CLEC16A: variants seen among roughly 807,000 people sequenced by gnomAD.
CLEC16A encodes protein CLEC16A.
CLEC16A carries 51 observed loss-of-function variants against 109.5 expected under a neutral mutation model. The ratio of observed to expected loss-of-function variants is 0.47; its 90% confidence interval spans 0.37 to 0.59. The LOEUF (loss-of-function observed/expected upper bound fraction) is 0.59, where lower values mean the gene tolerates loss of function less well. Ranked by LOEUF, CLEC16A falls within the 20% of genes least tolerant of loss-of-function variation. The pLI is 0.00. For missense variants in CLEC16A, 1,339 were observed against 1,394.0 expected, an observed-to-expected ratio of 0.96 and a Z score of 0.63; for synonymous variants, 673 against 564.2, an observed-to-expected ratio of 1.19 and a Z score of -2.73.
chr16:11,137,764 G>A (rs1048837809), intron 22 of CLEC16A, among the ~76,000 whole-genome samples: 35 of 151,838 alleles, frequency 2.3e-4, no homozygotes, highest in Non-Finnish European at 4.9e-4. Context: ...AACCAAGGTC[G>A]CACCACTGCA....
intron 2 of CLEC16A, among the ~76,000 whole-genome samples, chr16:10,959,014 G>GGTGGGT (rs2042125136): frequency 6.8e-6 from 1 of 146,190 alleles, no homozygotes; most frequent in African/African-American, 2.5e-5. Context: ...ACTAAACACG[G>GGTGGGT]GTGTGTGTGT....
At chr16:10,999,662 A>T (rs2044545808) in intron 10 of CLEC16A, among the ~76,000 whole-genome samples, 1 of 152,326 alleles carries the variant, frequency 6.6e-6, no homozygotes, top group Admixed American at 6.5e-5. Context: ...CCCAGTAAGC[A>T]TGCCCTCCCA....
chr16:11,156,789 G>A, intron 22 of CLEC16A: 1 of 654,566 alleles, frequency 1.5e-6, no homozygotes, highest in Admixed American at 2.6e-5. Flanking sequence ...AAGCAAGGTT[G>A]CACCACTGCG....
At position 11,039,756 on chromosome 16, in the gene CLEC16A, A is replaced by T; in HGVS notation, c.1540A>T (p.Met514Leu). ...LLYAMSHNKG[M>L]DPEKLERIQL... is the part of the protein sequence containing the mutation. ...TACATCCTTCTCCTCTGTTCCAGGC[A>T]TGGATCCTGAAAAATTAGAGCGAAT... is the stretch of plus-strand genomic sequence containing the variant. Residue 514 changes from methionine to leucine, a missense_variant and splice_region_variant, in exon 14 of 24, where the codon ATG (methionine) becomes TTG (leucine). Met to Leu is a conservative substitution (Grantham distance 15, BLOSUM62 2). Around this residue, in one of 3 missense-constraint regions of CLEC16A, gnomAD observed 1,061 missense variants for 1,006.8 expected, o/e 1.05. Transcript: ENST00000409790. 3 of 1,598,454 alleles carry T rather than the reference A, an allele frequency of 1.9e-6. No homozygotes were observed. Among genetic ancestry groups the T allele is most frequent in the Non-Finnish European group, 2.6e-6 (3 of 1,172,560 alleles).
At chr16:11,165,188 T>A (rs2068204399) in intron 22 of CLEC16A, among the ~76,000 whole-genome samples, 1 of 151,996 alleles carries the variant, frequency 6.6e-6, no homozygotes, top group African/African-American at 2.4e-5. Flanking sequence ...GGGCTTTGAT[T>A]TATCGTAAAG....
At chr16:11,098,451 G>A (rs1392800680) in intron 19 of CLEC16A, among the ~76,000 whole-genome samples, 1 of 152,198 alleles carries the variant, frequency 6.6e-6, no homozygotes, top group African/African-American at 2.4e-5. Flanking sequence ...CCACCTTCAA[G>A]AACTGTCAGC....
chr16:10,975,300 G>T (rs1437331228), intron 7 of CLEC16A, among the ~76,000 whole-genome samples: 2 of 152,172 alleles, frequency 1.3e-5, no homozygotes, highest in Non-Finnish European at 2.9e-5. Flanking sequence ...CTGCACTCCA[G>T]CCTGGGTGAC....
intron 19 of CLEC16A, among the ~76,000 whole-genome samples, chr16:11,072,167 G>T (rs2049111557): frequency 6.6e-6 from 1 of 152,094 alleles, no homozygotes. Flanking sequence ...TGTCCCCCAG[G>T]CTAGAGTGCA....
intron 10 of CLEC16A, among the ~76,000 whole-genome samples, chr16:10,996,884 G>A (rs1255821942): frequency 2.0e-5 from 3 of 152,156 alleles, no homozygotes; most frequent in East Asian, 3.8e-4. Flanking sequence ...CCACCTGTTC[G>A]CTTTGTCCTA....
rs563776564 is a variant in CLEC16A, at chr16:11,027,801, G to T, written c.1537+2880G>T. 12 of 861,786 alleles carry T rather than the reference G, an allele frequency of 1.4e-5. No individual in the cohort carries two copies. The East Asian group carries it at 2.3e-4, about 17-fold the overall frequency. The allele number at this position is 861,786 out of a possible 1,614,324, so 53.4% of individuals were successfully genotyped here. ...AAACTGCAGTATATTTTTGATCAATGAAGTGGAAGCATGTGTTTTGTTGTT... is the reference window on the plus strand; with the variant it reads ...AAACTGCAGTATATTTTTGATCAATTAAGTGGAAGCATGTGTTTTGTTGTT... On this transcript the variant is annotated intron_variant, in intron 13 of 23. Coordinates refer to ENST00000409790, the MANE Select transcript of CLEC16A (RefSeq NM_015226.3).
At chr16:11,166,859 C>T (rs1310492565) in intron 23 of CLEC16A, among the ~76,000 whole-genome samples, 1 of 152,208 alleles carries the variant, frequency 6.6e-6, no homozygotes, top group East Asian at 1.9e-4. Flanking sequence ...ATCACCTCCA[C>T]AGTCTTAGGT....
Position 11,034,850 on chromosome 16 carries a change from C to A in CLEC16A, c.1538-4904C>A, listed in dbSNP as rs2152836253. 2.0e-5 allele frequency among the ~76,000 whole-genome samples: 3 copies of A among 152,276 alleles called. 1 individual carries two copies. The South Asian group carries it at 6.2e-4, about 32-fold the overall frequency. On this transcript the variant is annotated intron_variant, in intron 13 of 23. Transcript: ENST00000409790. ...ACTGGCAAAGAAGCTATTGGGTTTG[C>A]AGCAAAACCTGCCTTTCTGTGACCA...
intron 13 of CLEC16A, among the ~76,000 whole-genome samples, chr16:11,030,794 G>A (rs1355648834): frequency 6.6e-5 from 10 of 152,216 alleles, no homozygotes; most frequent in African/African-American, 2.4e-5. Flanking sequence ...ACAGGTGTGC[G>A]CCACCACGCC....
At chr16:11,027,517 T>C in intron 13 of CLEC16A, 1 of 1,577,762 alleles carries the variant, frequency 6.3e-7, no homozygotes, top group Non-Finnish European at 8.6e-7. Context: ...AGTAAGACCA[T>C]CCCTCTGACA....
rs539021529 is a variant in CLEC16A at position 11,123,779 on chromosome 16, C to G, written c.2306C>G (p.Ala769Gly). Residue 769 changes from alanine (A) to glycine (G), a missense_variant, in exon 21 of 24, where the codon GCC becomes GGC. By Grantham distance (60) the Ala-to-Gly change is moderately conservative. Around this residue, in one of 3 missense-constraint regions of CLEC16A, gnomAD observed 1,061 missense variants for 1,006.8 expected, o/e 1.05. Transcript: ENST00000409790. ...ACTGGCGTGGAGGACGACAGCCGTG[C>G]CCTGAACATCACCATCCACAAGCCT... ...QVTGVEDDSR[A>G]LNITIHKPAS... 6 of 1,614,056 alleles carry G rather than the reference C, an allele frequency of 3.7e-6. 1 individual carries two copies. In the Middle Eastern group the frequency reaches 4.9e-4, roughly 133 times the overall value.
At chr16:11,111,735 G>T (rs1225071420) in intron 19 of CLEC16A, among the ~76,000 whole-genome samples, 2 of 152,224 alleles carry the variant, frequency 1.3e-5, no homozygotes, top group Non-Finnish European at 2.9e-5. Context: ...TTTATCAAAA[G>T]AGCAGGCATT....
At chr16:11,110,348 G>C (rs1463659424) in intron 19 of CLEC16A, among the ~76,000 whole-genome samples, 1 of 152,204 alleles carries the variant, frequency 6.6e-6, no homozygotes, top group Non-Finnish European at 1.5e-5. Context: ...CAGGCACTGG[G>C]ATGGGGCTGG....
chr16:11,046,756 T>G (rs923256945), intron 16 of CLEC16A, among the ~76,000 whole-genome samples: 2 of 152,220 alleles, frequency 1.3e-5, no homozygotes, highest in South Asian at 2.1e-4. Flanking sequence ...CGTGCTGTTC[T>G]GAAGGGGCCC....
At chr16:11,044,252 C>A in intron 16 of CLEC16A, 180 bp downstream of exon 16, 2 of 451,434 alleles carry the variant, frequency 4.4e-6, no homozygotes, top group Non-Finnish European at 7.4e-6. Context: ...CTTTTCTGTC[C>A]AAGCTGTCTT....
Sources: gnomAD v4.1 joint callset for allele counts (sites outside exome capture counted in the v4.1 genomes callset) on GRCh38, gnomAD v4.1.1 for gene constraint, gnomAD v4.1.1 regional missense constraint, MANE v1.5 for transcripts, NCBI Gene and HGNC (gene_info 2026-07-23, HGNC 2026-07-21) for gene names.